The following KIF15 variants were observed in gnomAD, a reference collection of about 807,000 sequenced individuals.
The protein encoded by KIF15 is kinesin family member 15.
A neutral mutation model predicts 190.6 loss-of-function variants in KIF15; 140 were observed. That is an observed-to-expected ratio of 0.73 (90% CI 0.64 to 0.84). The LOEUF is 0.84. Among genes scored for constraint, KIF15 ranks in the 40% least tolerant of loss-of-function variants. The pLI, the probability that KIF15 is intolerant of heterozygous loss-of-function variation, is 0.00. For synonymous variants in KIF15, 528 were observed against 551.3 expected (o/e 0.96, Z 0.59); for missense variants, 1,372 against 1,584.4 (o/e 0.87, Z 2.28).
intron 8 of KIF15, among the ~76,000 whole-genome samples, chr3:44,795,681 TA>T (rs1170673951): frequency 1.3e-4 from 4 of 30,198 alleles, no homozygotes; most frequent in Non-Finnish European, 1.9e-4. Flanking sequence ...AATATGTGTT[TA>T]TATATATATA....
At position 44,851,849 on chromosome 3, in the gene KIF15, A is replaced by T; in HGVS notation, c.3869A>T (p.Glu1290Val). 6.2e-7 allele frequency: 1 copy of T among 1,614,080 alleles called. No individual in the cohort carries two copies. Among genetic ancestry groups the T allele is most frequent in the Non-Finnish European group, 8.5e-7 (1 of 1,179,944 alleles). Residue 1290 changes from glutamate (E) to valine (V), a missense_variant, in exon 33 of 35, where the codon GAA becomes GTA. By Grantham distance (121) the Glu-to-Val change is moderately radical. Coordinates refer to ENST00000326047, the MANE Select transcript of KIF15 (RefSeq NM_020242.3). ...ATGGAATGCCTTAGAATGACTGATGAAGTCGAACGAACCCAAACTTTGGAG... is the reference window on the plus strand; with the variant it reads ...ATGGAATGCCTTAGAATGACTGATGTAGTCGAACGAACCCAAACTTTGGAG... ...KEMECLRMTDEVERTQTLESK... is the reference protein window; with the variant it reads ...KEMECLRMTDVVERTQTLESK...
At chr3:44,856,968 G>A (rs1038305801), downstream of KIF15, among the ~76,000 whole-genome samples, 4 of 152,292 alleles carry the variant, frequency 2.6e-5, no homozygotes, top group South Asian at 2.1e-4. Flanking sequence ...AGGGCAGAGC[G>A]GTAGCCTCAA....
Position 44,852,792 on chromosome 3 carries a change from C to A in KIF15, c.*57C>A. The A allele has an allele frequency of 1.4e-6, 2 of 1,388,348 alleles. No homozygotes were observed. Among genetic ancestry groups the A allele is most frequent in the Non-Finnish European group, 2.0e-6 (2 of 1,001,996 alleles). The allele number at this position is 1,388,348 out of a possible 1,614,324, so 86.0% of individuals were successfully genotyped here. On this transcript the variant is annotated 3_prime_UTR_variant, in exon 35 of 35. Coordinates refer to ENST00000326047, the MANE Select transcript of KIF15 (RefSeq NM_020242.3). Reference sequence around the variant, plus strand: ...GTTTGAAGATGTTTCTTCTCTTTTACAAGTAAGACCTACTCCTGGCCACTT... The same window carrying A: ...GTTTGAAGATGTTTCTTCTCTTTTAAAAGTAAGACCTACTCCTGGCCACTT...
intron 20 of KIF15, among the ~76,000 whole-genome samples, chr3:44,820,558 G>A (rs1262048428): frequency 1.3e-5 from 2 of 151,838 alleles, no homozygotes; most frequent in Non-Finnish European, 2.9e-5. Flanking sequence ...GACTCTTAAC[G>A]AGCATGCTGC....
intron 6 of KIF15, among the ~76,000 whole-genome samples, chr3:44,786,166 A>G (rs1486612873): frequency 2.6e-5 from 4 of 152,336 alleles, no homozygotes; most frequent in Middle Eastern, 3.4e-3. Context: ...CAGTGAGCCA[A>G]GATCGCGCCA....
In KIF15 at chr3:44,828,235, G is replaced by A. The variant is rs771432253; in HGVS notation, c.2878G>A (p.Glu960Lys). The A allele has an allele frequency of 3.7e-6, 6 of 1,613,376 alleles. No homozygotes were observed. The African/African-American group carries it at 6.7e-5, about 18-fold the overall frequency. Residue 960 changes from glutamate to lysine, a missense_variant, in exon 24 of 35, where the codon GAA becomes AAA. By Grantham distance (56) the Glu-to-Lys change is moderately conservative. Coordinates refer to ENST00000326047, the MANE Select transcript of KIF15 (RefSeq NM_020242.3). ...EQQMAKVQKLEESLLATEKVI... is the reference protein window; with the variant it reads ...EQQMAKVQKLKESLLATEKVI... ...ATAGATGGCAAAAGTACAGAAACTA[G>A]AAGAGAGCTTGCTTGCTACTGAAAA...
chr3:44,775,889 G>T (rs996926633), intron 3 of KIF15, among the ~76,000 whole-genome samples: 9 of 151,672 alleles, frequency 5.9e-5, no homozygotes, highest in African/African-American at 1.9e-4. Flanking sequence ...GATCATCCTG[G>T]CTAACACAGT....
At chr3:44,780,954 C>A (rs760240598) in intron 5 of KIF15, 32 bp downstream of exon 5, 2 of 1,501,974 alleles carry the variant, frequency 1.3e-6, no homozygotes, top group East Asian at 2.3e-5. Flanking sequence ...TTGGCTTAAT[C>A]TACTCTTTCT....
intron 2 of KIF15, among the ~76,000 whole-genome samples, chr3:44,774,926 C>T (rs1705803972): frequency 6.6e-6 from 1 of 152,062 alleles, no homozygotes; most frequent in Non-Finnish European, 1.5e-5. Context: ...ATGGTGAAAC[C>T]CTGTCTCTAC....
At chr3:44,781,819 C>T (rs1191538258) in intron 5 of KIF15, among the ~76,000 whole-genome samples, 1 of 152,166 alleles carries the variant, frequency 6.6e-6, no homozygotes, top group African/African-American at 2.4e-5. Context: ...TATCAATACC[C>T]TGTCTGTTGA....
rs548741155 is a variant in KIF15 at position 44,847,953 on chromosome 3, A to G, written c.3696-32A>G. ...TGAATATACTTAGCAGTGTTTTCCT[A>G]TGCCTCCTCCCACCCCTGTTAATCT... On this transcript the variant is annotated intron_variant, in intron 30 of 34. Coordinates refer to ENST00000326047, the MANE Select transcript of KIF15 (RefSeq NM_020242.3). 14 of 1,496,600 alleles carry G rather than the reference A, an allele frequency of 9.4e-6. No homozygotes were observed. The South Asian group carries it at 1.2e-4, about 13-fold the overall frequency. The allele number at this position is 1,496,600 out of a possible 1,614,324, so 92.7% of individuals were successfully genotyped here.
In KIF15 at chr3:44,852,170, A is replaced by G. The variant is rs73829688; in HGVS notation, c.3973-38A>G. 313 of 1,586,614 alleles carry G rather than the reference A, an allele frequency of 2.0e-4. No individual in the cohort carries two copies. In the African/African-American group the frequency reaches 3.8e-3, roughly 19 times the overall value. On this transcript the variant is annotated intron_variant, in intron 33 of 34. Coordinates refer to ENST00000326047, the MANE Select transcript of KIF15 (RefSeq NM_020242.3). ...TGACTTTAAAAGAAAATTAAGACCTACTTCTCATTTTTCCCTCCTTGGATT... is the reference window on the plus strand; with the variant it reads ...TGACTTTAAAAGAAAATTAAGACCTGCTTCTCATTTTTCCCTCCTTGGATT...
intron 22 of KIF15, among the ~76,000 whole-genome samples, chr3:44,826,732 A>T (rs1189034925): frequency 6.6e-6 from 1 of 152,214 alleles, no homozygotes; most frequent in Non-Finnish European, 1.5e-5. Context: ...GCAAATATAT[A>T]ATAAGATGAC....
At chr3:44,784,971 T>A in intron 6 of KIF15, 29 bp downstream of exon 6, 2 of 1,212,808 alleles carry the variant, frequency 1.6e-6, no homozygotes, top group Non-Finnish European at 2.4e-6. Context: ...AAAGTGGTTC[T>A]ATGAAATGTC....
chr3:44,861,981 C>T (rs758486178), intron 6 of KIF15: 2 of 1,387,182 alleles, frequency 1.4e-6, no homozygotes, highest in Admixed American at 7.3e-5. Context: ...CGTACCCTGA[C>T]ACCCCCGCGG....
intron 16 of KIF15, among the ~76,000 whole-genome samples, chr3:44,808,341 CAG>C (rs1312858344): frequency 6.6e-6 from 1 of 152,172 alleles, no homozygotes; most frequent in Non-Finnish European, 1.5e-5. Context: ...CATAGCAATT[CAG>C]AGTCTTTGTT....
In KIF15 at chr3:44,794,321, G is replaced by A; in HGVS notation, c.744G>A (p.Glu248=). The change falls in exon 8 of 35, where the codon GAG becomes GAA. Residue 248 remains glutamate, a synonymous_variant. Transcript: ENST00000326047. ...TTACAATTACAATAGAGTCAATGGAGAAAAGTAATGAGATTGTGAATATAC... is the reference window on the plus strand; with the variant it reads ...TTACAATTACAATAGAGTCAATGGAAAAAAGTAATGAGATTGTGAATATAC... ...AVFTITIESM[E]KSNEIVNIRT... The A allele has an allele frequency of 6.2e-7, 1 of 1,613,982 alleles. No homozygotes were observed. The highest frequency in any genetic ancestry group is 8.5e-7 in the Non-Finnish European group (1 of 1,179,940).
At chr3:44,770,470 C>T (rs1705594719) in intron 1 of KIF15, among the ~76,000 whole-genome samples, 1 of 152,108 alleles carries the variant, frequency 6.6e-6, no homozygotes. Context: ...GGTTCCTGGG[C>T]CTGTTAAAAA....
At position 44,778,939 on chromosome 3, in the gene KIF15, C is replaced by G. The variant is rs1706027712; in HGVS notation, c.323+748C>G. ...AGGTTGCAGTGAGCCGAGATTGCAC[C>G]ACTGCACTCCAGCCTGGGTGACAGG... is the stretch of plus-strand genomic sequence containing the variant. On this transcript the variant is annotated intron_variant, in intron 4 of 34. Transcript: ENST00000326047. Among the ~76,000 whole-genome samples the G allele has an allele frequency of 2.1e-5, 3 of 141,214 alleles. No homozygotes were observed. The South Asian group carries it at 6.7e-4, about 31-fold the overall frequency. The allele number at this position is 141,214 out of a possible 152,430, so 92.6% of individuals were successfully genotyped here.
Sources: gnomAD v4.1 joint callset for allele counts (sites outside exome capture counted in the v4.1 genomes callset) on GRCh38, gnomAD v4.1.1 for gene constraint, MANE v1.5 for transcripts, NCBI Gene and HGNC (gene_info 2026-07-23, HGNC 2026-07-21) for gene names.